The following NCOR2 variants were observed in gnomAD, a reference collection of about 807,000 sequenced individuals.
The protein encoded by NCOR2 is nuclear receptor corepressor 2, also known as CTG repeat protein 26.
Under a neutral mutation model 262.9 loss-of-function variants are expected in NCOR2, and 81 were observed. That is an observed-to-expected ratio of 0.31 (90% CI 0.26 to 0.37). The LOEUF is 0.37. Ranked by LOEUF, NCOR2 falls within the 10% of genes least tolerant of loss-of-function variation. The pLI, the probability that NCOR2 is intolerant of heterozygous loss-of-function variation, is 1.00. For synonymous variants in NCOR2, 1,659 were observed against 1,559.3 expected, an observed-to-expected ratio of 1.06 and a Z score of -1.51; for missense variants, 3,385 against 3,621.4, an observed-to-expected ratio of 0.93 and a Z score of 1.68.
At chr12:124,484,399 G>C (rs1227787117) in intron 2 of NCOR2, among the ~76,000 whole-genome samples, 1 of 152,178 alleles carries the variant, frequency 6.6e-6, no homozygotes, top group Non-Finnish European at 1.5e-5. Context: ...AGTGTGCCTA[G>C]AGAGGGCATG....
intron 11 of NCOR2, among the ~76,000 whole-genome samples, chr12:124,426,289 TAAG>T (rs1180597301): frequency 6.6e-6 from 1 of 152,152 alleles, no homozygotes; most frequent in Admixed American, 6.5e-5. Context: ...GGTGTCCTTA[TAAG>T]AAGAGGAGAA....
At chr12:124,395,254 C>A (rs905085708) in intron 16 of NCOR2, among the ~76,000 whole-genome samples, 20 of 152,098 alleles carry the variant, frequency 1.3e-4, no homozygotes, top group Admixed American at 1.2e-3. Flanking sequence ...GCGGGGGCTC[C>A]AGAACGTTCC....
intron 14 of NCOR2, among the ~76,000 whole-genome samples, chr12:124,400,980 G>A (rs1440932094): frequency 6.6e-6 from 1 of 152,168 alleles, no homozygotes; most frequent in African/African-American, 2.4e-5. Context: ...CGAAGTTGGA[G>A]GACTGCTTGA....
chr12:124,378,147 AG>A lies in NCOR2; in HGVS notation c.2167+89del. 1 of 1,538,716 alleles carries A rather than the reference AG, an allele frequency of 6.5e-7. No homozygotes were observed. Among genetic ancestry groups the A allele is most frequent in the Non-Finnish European group, 8.7e-7 (1 of 1,143,344 alleles). On this transcript the variant is annotated intron_variant, in intron 18 of 46. Coordinates refer to ENST00000405201, the Ensembl canonical transcript of NCOR2. The surrounding 1 kb of genome is among the most constrained non-coding windows in gnomAD (Gnocchi z 4.2). ...GGAGGACCCAGATGACTCAGGGGAGAGGAGGCTGCCGGGATCAGTTCCCGCT... is the reference window on the plus strand; with the variant it reads ...GGAGGACCCAGATGACTCAGGGGAGAGAGGCTGCCGGGATCAGTTCCCGCT...
intron 17 of NCOR2, among the ~76,000 whole-genome samples, chr12:124,380,815 C>T (rs144214817): frequency 5.5e-3 from 833 of 152,022 alleles, no homozygotes; most frequent in Non-Finnish European, 9.0e-3. Context: ...AGGCAGTGGA[C>T]GGGGATGGTG....
chr12:124,402,366 A>T, intron 14 of NCOR2, 38 bp downstream of exon 16: 1 of 1,610,232 alleles, frequency 6.2e-7, no homozygotes. Flanking sequence ...GGGTTGGGTC[A>T]GCGGCCGGGC....
At chr12:124,333,823 G>A (rs1160702032) in intron 41 of NCOR2, among the ~76,000 whole-genome samples, 1 of 147,540 alleles carries the variant, frequency 6.8e-6, no homozygotes, top group Non-Finnish European at 1.5e-5. Flanking sequence ...TGTGTCTACA[G>A]GGGTGTGCGG....
At chr12:124,396,653 G>A (rs1326894175) in intron 16 of NCOR2, among the ~76,000 whole-genome samples, 1 of 152,124 alleles carries the variant, frequency 6.6e-6, no homozygotes, top group Non-Finnish European at 1.5e-5. Context: ...GTCTCTCTGG[G>A]TCCAGGTTCA....
intron 5 of NCOR2, 108 bp downstream of exon 7, chr12:124,466,065 G>A: frequency 3.7e-6 from 4 of 1,093,130 alleles, no homozygotes; most frequent in Non-Finnish European, 5.2e-6. Context: ...GGGTGGCGAG[G>A]TCCCCTCCCC....
intron 1 of NCOR2, among the ~76,000 whole-genome samples, chr12:124,520,052 G>A (rs1163125137): frequency 6.6e-6 from 1 of 152,234 alleles, no homozygotes; most frequent in Non-Finnish European, 1.5e-5. Context: ...TGGACTGGCA[G>A]GGGGCCCAGA....
intron 2 of NCOR2, among the ~76,000 whole-genome samples, chr12:124,485,999 C>T (rs1173048134): frequency 7.1e-6 from 1 of 140,158 alleles, no homozygotes; most frequent in Non-Finnish European, 1.5e-5. Flanking sequence ...TACCACCTAA[C>T]CTGTTCATTC....
chr12:124,495,595 A>G (rs1196086547), upstream of NCOR2, among the ~76,000 whole-genome samples: 1 of 152,112 alleles, frequency 6.6e-6, no homozygotes, highest in East Asian at 1.9e-4. The surrounding 1 kb of genome is among the most constrained non-coding windows in gnomAD (Gnocchi z 4.4). Flanking sequence ...GCAAGGGACC[A>G]GAGGCCTCCT....
At chr12:124,438,366 G>GCCCGAGAC (rs1389279336) in intron 7 of NCOR2, among the ~76,000 whole-genome samples, 2 of 152,174 alleles carry the variant, frequency 1.3e-5, no homozygotes, top group Admixed American at 1.3e-4. Flanking sequence ...AGGCCACAGA[G>GCCCGAGAC]CCCGAGACCC....
At chr12:124,414,918 C>T (rs890971943) in intron 13 of NCOR2, among the ~76,000 whole-genome samples, 1 of 152,106 alleles carries the variant, frequency 6.6e-6, no homozygotes, top group African/African-American at 2.4e-5. Flanking sequence ...GGCAGGGGCT[C>T]GTGTGCTCCA....
intron 7 of NCOR2, among the ~76,000 whole-genome samples, chr12:124,444,081 T>C (rs2044992477): frequency 6.6e-6 from 1 of 152,188 alleles, no homozygotes; most frequent in Non-Finnish European, 1.5e-5. Flanking sequence ...TGGTTTATGA[T>C]GCCCACGTGT....
intron 13 of NCOR2, among the ~76,000 whole-genome samples, chr12:124,407,797 T>C (rs1386681076): frequency 6.6e-6 from 1 of 152,256 alleles, no homozygotes; most frequent in Non-Finnish European, 1.5e-5. Context: ...GCATCTACCA[T>C]GTGCCAGGTG....
At chr12:124,356,594 C>T (rs1043056754) in intron 23 of NCOR2, 48 bp downstream of exon 25, 26 of 1,386,586 alleles carry the variant, frequency 1.9e-5, no homozygotes, top group Non-Finnish European at 2.3e-5. Flanking sequence ...GTGCAAACAG[C>T]GATTGTGCAC....
At chr12:124,346,713 G>A (rs1224878929) in exon 31 of NCOR2, 6 of 1,566,092 alleles carry the variant, frequency 3.8e-6, no homozygotes, top group Middle Eastern at 1.7e-4. Context: ...AGCTTCAGGG[G>A]GCCCAGGGCC....
At chr12:124,386,599 C>T (rs1434162507) in intron 16 of NCOR2, among the ~76,000 whole-genome samples, 2 of 152,218 alleles carry the variant, frequency 1.3e-5, no homozygotes, top group African/African-American at 2.4e-5. Context: ...CTCAGCCTCA[C>T]AGACCTCCTG....
Sources: allele counts gnomAD v4.1 joint callset (sites outside exome capture counted in the v4.1 genomes callset), GRCh38; gene constraint gnomAD v4.1.1; non-coding constraint Gnocchi (gnomAD v3.1); transcripts MANE v1.5; gene names NCBI Gene and HGNC (gene_info 2026-07-23, HGNC 2026-07-21).